Variants in RASGRP3 observed in about 807,000 individuals in gnomAD.
RASGRP3 encodes ras guanyl-releasing protein 3.
A neutral mutation model predicts 82.7 loss-of-function variants in RASGRP3; 54 were observed. That is an observed-to-expected ratio of 0.65 (90% confidence interval 0.52 to 0.82). The LOEUF (loss-of-function observed/expected upper bound fraction) is 0.82, where lower values mean the gene tolerates loss of function less well. Among genes scored for constraint, RASGRP3 ranks in the 40% least tolerant of loss-of-function variants. The pLI, the probability that RASGRP3 is intolerant of heterozygous loss-of-function variation, is 0.00. For missense variants in RASGRP3, 861 were observed against 828.9 expected (o/e 1.04, Z -0.48); for synonymous variants, 309 against 300.5 (o/e 1.03, Z -0.29).
At chr2:33,521,912 A>G (rs764121029) in intron 6 of RASGRP3, 43 bp from the exon 7 acceptor site, 3 of 1,572,010 alleles carry the variant, frequency 1.9e-6, no homozygotes, top group South Asian at 1.2e-5. Flanking sequence ...ATTGAGTGAA[A>G]TGGGCTTTCA....
intron 1 of RASGRP3, among the ~76,000 whole-genome samples, chr2:33,499,629 G>A (rs759359993): frequency 6.6e-6 from 1 of 151,958 alleles, no homozygotes; most frequent in Non-Finnish European, 1.5e-5. Context: ...CAAAATCTCG[G>A]CATTTAAAAA....
chr2:33,487,128 C>T (rs1668465915), intron 1 of RASGRP3, among the ~76,000 whole-genome samples: 1 of 152,130 alleles, frequency 6.6e-6, no homozygotes, highest in Admixed American at 6.5e-5. Flanking sequence ...ATCATTCCAT[C>T]CGTAAATATT....
intron 14 of RASGRP3, among the ~76,000 whole-genome samples, chr2:33,551,664 C>A (rs918643370): frequency 2.0e-5 from 3 of 151,942 alleles, no homozygotes; most frequent in Non-Finnish European, 4.4e-5. Flanking sequence ...TAAAGAGACA[C>A]CTGCCACTGC....
At chr2:33,549,990 TG>T (rs1022682530) in intron 14 of RASGRP3, among the ~76,000 whole-genome samples, 3 of 152,204 alleles carry the variant, frequency 2.0e-5, no homozygotes, top group Admixed American at 2.0e-4. Context: ...AGAGTGGTTT[TG>T]TTTATTACTC....
chr2:33,468,397 T>C (rs1666850568), intron 2 of RASGRP3, among the ~76,000 whole-genome samples: 1 of 152,112 alleles, frequency 6.6e-6, no homozygotes. Context: ...GTTACTAATA[T>C]GCTTCAACAT....
intron 1 of RASGRP3, among the ~76,000 whole-genome samples, chr2:33,500,865 C>T (rs532579571): frequency 9.9e-5 from 15 of 152,216 alleles, no homozygotes; most frequent in African/African-American, 3.6e-4. Flanking sequence ...ACCTGGGAGG[C>T]GGAGGTTGCA....
chr2:33,527,347 C>A lies in RASGRP3; in HGVS notation c.1018C>A (p.Leu340Ile), dbSNP rs778364897. 1.4e-5 allele frequency: 23 copies of A among 1,613,880 alleles called. No homozygotes were observed. The South Asian group carries it at 2.5e-4, about 18-fold the overall frequency. Residue 340 changes from leucine (L) to isoleucine (I), a missense_variant, in exon 10 of 18, where the codon CTA becomes ATA. Physicochemically the swap from Leu to Ile is conservative, Grantham distance 5. Transcript: ENST00000403687. ...MHQLSVTLSE[L>I]VSLQNASHHL... ...CCAGCTCTCCGTTACCCTGAGTGAA[C>A]TAGTCTCCCTGCAGAATGCCTCTCA...
Position 33,562,833 on chromosome 2 carries a change from G to GGAAA in RASGRP3, c.*99_*102dup, listed in dbSNP as rs1676835480. The stretch of plus-strand genomic sequence containing the variant: ...AGCTCTGACTCTCAGGAAGTTATCT[G>GGAAA]GAAAGATACCTGGATGTTTACTGCC... On this transcript the variant is annotated 3_prime_UTR_variant, in exon 18 of 18. Transcript: ENST00000403687. The GGAAA allele has an allele frequency of 3.4e-6, 5 of 1,474,114 alleles. No individual in the cohort carries two copies. The highest frequency in any genetic ancestry group is 4.7e-6 in the Non-Finnish European group (5 of 1,060,014). 91.3% of individuals were successfully genotyped at this position (1,474,114 alleles called of 1,614,324 possible).
chr2:33,536,667 C>A lies in RASGRP3; in HGVS notation c.1161+2267C>A, dbSNP rs541049746. Among the ~76,000 whole-genome samples the A allele has an allele frequency of 3.2e-4, 48 of 152,090 alleles. No individual in the cohort carries two copies. The South Asian group carries it at 1.0e-2, about 32-fold the overall frequency. Reference sequence around the variant, plus strand: ...AAAGTCCCTTCTAAGTGCTAAAATCCTACGAATCTAACACAAGACATTTCC... The same window carrying A: ...AAAGTCCCTTCTAAGTGCTAAAATCATACGAATCTAACACAAGACATTTCC... On this transcript the variant is annotated intron_variant, in intron 11 of 17. Coordinates refer to ENST00000403687, the MANE Select transcript of RASGRP3 (RefSeq NM_001139488.2).
At chr2:33,554,351 G>C (rs969863686) in intron 14 of RASGRP3, among the ~76,000 whole-genome samples, 3 of 152,142 alleles carry the variant, frequency 2.0e-5, no homozygotes, top group Non-Finnish European at 4.4e-5. Context: ...CAAACACAAA[G>C]AGGTTAGCAA....
chr2:33,460,537 C>G (rs535276092), intron 2 of RASGRP3, among the ~76,000 whole-genome samples: 2 of 146,044 alleles, frequency 1.4e-5, no homozygotes, highest in East Asian at 4.0e-4. Flanking sequence ...TTTTTTGAGA[C>G]AGAGTCTTGC....
intron 1 of RASGRP3, among the ~76,000 whole-genome samples, chr2:33,486,128 ATTTCTTTTCT>A (rs374794209): frequency 6.6e-6 from 1 of 150,642 alleles, no homozygotes; most frequent in Non-Finnish European, 1.5e-5. Flanking sequence ...TTCACTTGGT[ATTTCTTTTCT>A]TTTCTTTTCT....
intron 1 of RASGRP3, among the ~76,000 whole-genome samples, chr2:33,506,750 C>T (rs1373117499): frequency 6.6e-6 from 1 of 152,158 alleles, no homozygotes; most frequent in Admixed American, 6.5e-5. Flanking sequence ...AAGTGTGGCT[C>T]CTTCCTACTG....
chr2:33,549,523 G>C, intron 13 of RASGRP3, 81 bp from the exon 14 acceptor site: 1 of 1,375,476 alleles, frequency 7.3e-7, no homozygotes, highest in South Asian at 1.4e-5. Context: ...CAAAGGTTTG[G>C]GAGGTGGGTG....
In RASGRP3 at chr2:33,529,310, C is replaced by T. The variant is rs537631564; in HGVS notation, c.1083+1898C>T. On this transcript the variant is annotated intron_variant, in intron 10 of 17. Transcript: ENST00000403687. Reference sequence around the variant, plus strand: ...GAGATCGAGACCATCCTGGCTAACACGGTGAAACGCCATCTCTACTAAAAA... The same window carrying T: ...GAGATCGAGACCATCCTGGCTAACATGGTGAAACGCCATCTCTACTAAAAA... 1.6e-3 allele frequency among the ~76,000 whole-genome samples: 243 copies of T among 151,144 alleles called. 1 individual carries two copies. Among genetic ancestry groups the T allele is most frequent in the African/African-American group, 4.6e-3 (189 of 41,146 alleles).
intron 2 of RASGRP3, among the ~76,000 whole-genome samples, chr2:33,468,406 A>AT (rs11446557): frequency 0.017 from 2,528 of 145,842 alleles, 27 homozygotes; most frequent in Middle Eastern, 0.06. Flanking sequence ...ATGCTTCAAC[A>AT]TTTTTTTTTT....
At chr2:33,458,810 A>T (rs796145746) in intron 2 of RASGRP3, among the ~76,000 whole-genome samples, 7 of 152,340 alleles carry the variant, frequency 4.6e-5, no homozygotes, top group African/African-American at 1.7e-4. Context: ...ACATCAGTTC[A>T]CATTTGCTCA....
intron 1 of RASGRP3, among the ~76,000 whole-genome samples, chr2:33,505,264 C>A (rs574828590): frequency 6.6e-6 from 1 of 151,818 alleles, no homozygotes; most frequent in East Asian, 1.9e-4. Context: ...GAATTTGAGA[C>A]CAGGTACTTC....
chr2:33,529,420 G>A (rs1049592928), intron 10 of RASGRP3, among the ~76,000 whole-genome samples: 5 of 139,872 alleles, frequency 3.6e-5, no homozygotes, highest in Admixed American at 1.6e-4. Flanking sequence ...GCGTGAATCC[G>A]GGAGGTGGAG....
Sources: gnomAD v4.1 joint callset for allele counts (sites outside exome capture counted in the v4.1 genomes callset) on GRCh38, gnomAD v4.1.1 for gene constraint, MANE v1.5 for transcripts, NCBI Gene and HGNC (gene_info 2026-07-23, HGNC 2026-07-21) for gene names.